Variants in ALS2CL observed in about 807,000 individuals in gnomAD.
The protein encoded by ALS2CL is ALS2 C-terminal-like protein.
Under a neutral mutation model 127.9 loss-of-function variants are expected in ALS2CL, and 112 were observed. That is an observed-to-expected ratio of 0.88 (90% CI 0.75 to 1.02). The LOEUF (loss-of-function observed/expected upper bound fraction) is 1.02, where lower values mean the gene tolerates loss of function less well. Ranked by LOEUF, ALS2CL falls within the 50% of genes least tolerant of loss-of-function variation. ALS2CL has a pLI of 0.00. For missense variants in ALS2CL, 1,174 were observed against 1,236.7 expected (o/e 0.95, Z 0.76); for synonymous variants, 519 against 527.6 (o/e 0.98, Z 0.22).
chr3:46,683,128 A>G lies in ALS2CL; in HGVS notation c.1109+2T>C. On this transcript the variant is annotated splice_donor_variant, in intron 10 of 25. Coordinates refer to ENST00000318962, the MANE Select transcript of ALS2CL (RefSeq NM_147129.5). LOFTEE classifies it high-confidence loss of function. ...TTGCCACCCAGAGCTCCAGCCACTCACTTGCCGTGGGGCCGGCCCCTGCAC... is the reference window on the plus strand; with the variant it reads ...TTGCCACCCAGAGCTCCAGCCACTCGCTTGCCGTGGGGCCGGCCCCTGCAC... The G allele has an allele frequency of 6.4e-7, 1 of 1,555,530 alleles. No homozygotes were observed. The highest frequency in any genetic ancestry group is 8.7e-7 in the Non-Finnish European group (1 of 1,152,902).
intron 21 of ALS2CL, 73 bp from the exon 22 acceptor site, chr3:46,673,454 C>T: frequency 6.9e-7 from 1 of 1,455,004 alleles, no homozygotes; most frequent in Non-Finnish European, 9.4e-7. Flanking sequence ...GGGCAAATTC[C>T]CTATGCCACT....
Position 46,683,217 on chromosome 3 carries a change from C to T in ALS2CL, c.1022G>A (p.Arg341His), listed in dbSNP as rs768038565. Reference sequence around the variant, plus strand: ...TGCCTGGAAGGTATATTCTGCGCAGCGGCAGTCGGGAGGCTGGGAGGGCTC... The same window carrying T: ...TGCCTGGAAGGTATATTCTGCGCAGTGGCAGTCGGGAGGCTGGGAGGGCTC... ...GLEPSQPPDC[R>H]CAEYTFQAEG... The change falls in exon 10 of 26, where the codon CGC (arginine) becomes CAC (histidine). Residue 341 changes from arginine (R) to histidine (H), a missense_variant. Transcript: ENST00000318962. 21 of 1,608,942 alleles carry T rather than the reference C, an allele frequency of 1.3e-5. No homozygotes were observed. The highest frequency in any genetic ancestry group is 8.5e-5 in the Admixed American group (5 of 58,978).
rs937632784 is a variant in ALS2CL at position 46,669,496 on chromosome 3, G to C, written c.*1488C>G. The C allele has an allele frequency of 6.6e-6, 1 of 152,346 alleles. No individual in the cohort carries two copies. Among genetic ancestry groups the C allele is most frequent in the Non-Finnish European group, 1.5e-5 (1 of 68,108 alleles). The allele number at this position is 152,346 out of a possible 1,614,324, so 9.4% of individuals were successfully genotyped here. ...CTGCATTTGAGGCCAGGGTCAGGCT[G>C]TCCTCACTTATCAGGGGACAAGAGC... is the stretch of plus-strand genomic sequence containing the variant. On this transcript the variant is annotated 3_prime_UTR_variant, in exon 26 of 26. Coordinates refer to ENST00000318962, the MANE Select transcript of ALS2CL (RefSeq NM_147129.5).
intron 1 of ALS2CL, among the ~76,000 whole-genome samples, chr3:46,690,806 G>T (rs1700104622): frequency 6.6e-6 from 1 of 152,172 alleles, no homozygotes; most frequent in African/African-American, 2.4e-5. Flanking sequence ...GAGTGGGAAG[G>T]GGTCTCAGCC....
chr3:46,690,450 C>T (rs1224280318), intron 1 of ALS2CL, among the ~76,000 whole-genome samples: 1 of 152,130 alleles, frequency 6.6e-6, no homozygotes, highest in Non-Finnish European at 1.5e-5. Flanking sequence ...AGGGACCTTC[C>T]AATCAGGCAG....
intron 22 of ALS2CL, among the ~76,000 whole-genome samples, chr3:46,672,628 T>C (rs575265592): frequency 6.6e-6 from 1 of 152,332 alleles, no homozygotes; most frequent in South Asian, 2.1e-4. Flanking sequence ...CAGATGATCC[T>C]GATGCTTCCA....
Position 46,676,256 on chromosome 3 carries a change from C to T in ALS2CL, c.2175G>A (p.Trp725Ter), listed in dbSNP as rs1199338540. The T allele has an allele frequency of 1.2e-6, 2 of 1,613,290 alleles. No homozygotes were observed. The highest frequency in any genetic ancestry group is 2.2e-5 in the South Asian group (2 of 91,064). ...GCCACCGAGCCCACCTGTAGGCAGC[C>T]CAGAGTTCCTGGGCATGCTGCTTCA... ...EEVKQHAQEL[W>*]AAYRGLLRVA... The change falls in exon 19 of 26, where the codon TGG (tryptophan) becomes TGA (stop). Residue 725 changes from tryptophan to a stop codon, truncating the protein, a stop_gained. Coordinates refer to ENST00000318962, the MANE Select transcript of ALS2CL (RefSeq NM_147129.5). LOFTEE classifies it high-confidence loss of function.
chr3:46,675,345 C>T (rs1395242776), intron 20 of ALS2CL: 1 of 436,504 alleles, frequency 2.3e-6, no homozygotes, highest in Non-Finnish European at 4.1e-6. Flanking sequence ...CGGGGAGCTA[C>T]TCACCTTCTG....
At chr3:46,677,162 C>G in intron 16 of ALS2CL, 140 bp from the exon 17 acceptor site, 1 of 1,452,806 alleles carries the variant, frequency 6.9e-7, no homozygotes, top group East Asian at 2.4e-5. Flanking sequence ...TGGATTGAAC[C>G]ATGCAGAGGG....
chr3:46,673,660 C>T lies in ALS2CL; in HGVS notation c.2430-279G>A, dbSNP rs574672990. 2.0e-5 allele frequency among the ~76,000 whole-genome samples: 3 copies of T among 152,266 alleles called. No individual in the cohort carries two copies. The East Asian group carries it at 5.8e-4, about 29-fold the overall frequency. On this transcript the variant is annotated intron_variant, in intron 21 of 25. Transcript: ENST00000318962. ...AGGAGACTGCACTCCATCCAGGAGGCTCTGCTGAGCCAGCACAGGGCTGTG... is the reference window on the plus strand; with the variant it reads ...AGGAGACTGCACTCCATCCAGGAGGTTCTGCTGAGCCAGCACAGGGCTGTG...
intron 13 of ALS2CL, chr3:46,680,819 G>T: frequency 1.9e-6 from 1 of 536,652 alleles, no homozygotes; most frequent in South Asian, 2.1e-5. Context: ...CATGGAGGTA[G>T]GAGCATGTGA....
Position 46,671,071 on chromosome 3 carries a change from G to A in ALS2CL, c.2782-7C>T. 1.2e-6 allele frequency: 2 copies of A among 1,613,940 alleles called. No homozygotes were observed. ...GGATGTGCTCGTAACAGGACTGGAG[G>A]GAGAGAGGCAAGGCTGAGGCCAGTT... On this transcript the variant is annotated splice_region_variant and splice_polypyrimidine_tract_variant and intron_variant, in intron 25 of 25. Coordinates refer to ENST00000318962, the MANE Select transcript of ALS2CL (RefSeq NM_147129.5).
In ALS2CL at chr3:46,681,967, G is replaced by C; in HGVS notation, c.1175+62C>G. On this transcript the variant is annotated intron_variant, in intron 11 of 25. Coordinates refer to ENST00000318962, the MANE Select transcript of ALS2CL (RefSeq NM_147129.5). This position sits in a 1 kb window ranked among gnomAD's most constrained non-coding sequence, Gnocchi z 4.9. ...TGGGGCCGGGCTGGTGACCACAGCA[G>C]GGGAGGAAAGCACCCTTCAGCCCAC... 4 of 1,572,034 alleles carry C rather than the reference G, an allele frequency of 2.5e-6. No homozygotes were observed. The highest frequency in any genetic ancestry group is 3.5e-6 in the Non-Finnish European group (4 of 1,149,140).
intron 25 of ALS2CL, 77 bp downstream of exon 25, chr3:46,671,411 T>C (rs1173783797): frequency 1.0e-5 from 16 of 1,592,226 alleles, no homozygotes; most frequent in Non-Finnish European, 1.7e-6. Flanking sequence ...TATGGTGTTA[T>C]GATGTCTGGG....
intron 19 of ALS2CL, chr3:46,675,992 A>G: frequency 7.0e-7 from 1 of 1,420,034 alleles, no homozygotes; most frequent in African/African-American, 1.4e-5. Context: ...GTGGGGTGAG[A>G]GTGCACCTGC....
chr3:46,674,419 C>T, intron 21 of ALS2CL, 147 bp downstream of exon 21: 1 of 1,061,240 alleles, frequency 9.4e-7, no homozygotes, highest in South Asian at 1.6e-5. Flanking sequence ...TTCAGTTGAA[C>T]ACCTAGATCC....
intron 14 of ALS2CL, chr3:46,680,152 G>A (rs1699202703): frequency 4.6e-6 from 2 of 434,864 alleles, no homozygotes; most frequent in East Asian, 7.5e-5. Context: ...GCATCATCAT[G>A]AGCAAGTGCT....
At chr3:46,673,951 G>A (rs1698606743) in intron 21 of ALS2CL, among the ~76,000 whole-genome samples, 1 of 152,190 alleles carries the variant, frequency 6.6e-6, no homozygotes, top group Non-Finnish European at 1.5e-5. Flanking sequence ...GTGGACAGTG[G>A]GGTCACTTGT....
At chr3:46,673,143 T>G (rs756788049) in intron 22 of ALS2CL, among the ~76,000 whole-genome samples, 196 bp downstream of exon 22, 21 of 152,212 alleles carry the variant, frequency 1.4e-4, no homozygotes, top group Non-Finnish European at 2.6e-4. Flanking sequence ...GAACCTGTGT[T>G]TGAGCCTGGT....
Sources: allele counts gnomAD v4.1 joint callset (sites outside exome capture counted in the v4.1 genomes callset), GRCh38; gene constraint gnomAD v4.1.1; non-coding constraint Gnocchi (gnomAD v3.1); transcripts MANE v1.5; gene names NCBI Gene and HGNC (gene_info 2026-07-23, HGNC 2026-07-21).